ABRACL: variants seen among roughly 807,000 people sequenced by gnomAD.
ABRACL encodes the protein costars family protein ABRACL.
In ABRACL, 4 loss-of-function variants were observed where a neutral mutation model predicts 7.0. That is an observed-to-expected ratio of 0.57 (90% CI 0.28 to 1.30). The LOEUF is 1.30. Among genes scored for constraint, ABRACL ranks in the 50% most tolerant of loss-of-function variants. The pLI is 0.10. For synonymous variants in ABRACL, 30 were observed against 36.0 expected, an observed-to-expected ratio of 0.83 and a Z score of 0.60; for missense variants, 104 against 97.3, an observed-to-expected ratio of 1.07 and a Z score of -0.29.
rs1468656116 is a variant in ABRACL at position 139,042,632 on chromosome 6, AAATTTATTAAAGATTTTGT to A, written c.62-84_62-66del. 2.3e-6 allele frequency: 3 copies of A among 1,304,620 alleles called. No individual in the cohort carries two copies. In the African/African-American group the frequency reaches 4.4e-5, roughly 19 times the overall value. The allele number at this position is 1,304,620 out of a possible 1,614,324, so 80.8% of individuals were successfully genotyped here. On this transcript the variant is annotated intron_variant, in intron 2 of 2. Coordinates refer to ENST00000367660, the MANE Select transcript of ABRACL (RefSeq NM_021243.3). ...GCAACCTTGGATAGCCCATAGTTATAAATTTATTAAAGATTTTGTAAGTCTTCCATACTTGAGGGTATGA... is the reference window on the plus strand; with the variant it reads ...GCAACCTTGGATAGCCCATAGTTATAAAGTCTTCCATACTTGAGGGTATGA...
chr6:139,029,412 G>A (rs997288965), intron 1 of ABRACL, among the ~76,000 whole-genome samples: 1 of 152,042 alleles, frequency 6.6e-6, no homozygotes. Context: ...TCGTCGCCCG[G>A]GTTGGGTGCT....
chr6:139,037,201 G>C (rs765408045), intron 2 of ABRACL, among the ~76,000 whole-genome samples: 1 of 152,024 alleles, frequency 6.6e-6, no homozygotes, highest in Non-Finnish European at 1.5e-5. Flanking sequence ...GTTGGTTTTT[G>C]GAATGGGAAT....
chr6:139,029,977 G>A (rs1786056448), intron 1 of ABRACL, among the ~76,000 whole-genome samples: 1 of 151,972 alleles, frequency 6.6e-6, no homozygotes, highest in African/African-American at 2.4e-5. Context: ...CCAGTCCTCC[G>A]ACTTTCCGCT....
intron 1 of ABRACL, among the ~76,000 whole-genome samples, chr6:139,031,812 T>G (rs1296918268): frequency 6.6e-6 from 1 of 152,098 alleles, no homozygotes; most frequent in Non-Finnish European, 1.5e-5. Context: ...GGGCCCAGGG[T>G]AAGACTCTAC....
chr6:139,039,069 C>T (rs564194696), intron 2 of ABRACL, among the ~76,000 whole-genome samples: 3 of 152,160 alleles, frequency 2.0e-5, no homozygotes, highest in Middle Eastern at 3.4e-3. Context: ...ACTAAAAATA[C>T]AAAAATTAGC....
chr6:139,032,061 C>G (rs558607616), intron 1 of ABRACL, among the ~76,000 whole-genome samples: 92 of 151,908 alleles, frequency 6.1e-4, no homozygotes, highest in Non-Finnish European at 1.3e-3. Context: ...CCCGGGTTCA[C>G]GCCATACTCC....
chr6:139,041,451 C>CTCTCTCTCTATATATA lies in ABRACL; in HGVS notation c.62-1267_62-1266insCTCTCTCTATATATAT, dbSNP rs140091253. ...TCTCTCTCTCTCTCTCTCTCTCTCTCTATATATATATATATATATTTCTAT... is the reference window on the plus strand; with the variant it reads ...TCTCTCTCTCTCTCTCTCTCTCTCTCTCTCTCTCTATATATATATATATATATATATATATTTCTAT... On this transcript the variant is annotated intron_variant, in intron 2 of 2. Coordinates refer to ENST00000367660, the MANE Select transcript of ABRACL (RefSeq NM_021243.3). Among the ~76,000 whole-genome samples, 83 of 110,036 alleles carry CTCTCTCTCTATATATA rather than the reference C, an allele frequency of 7.5e-4. 1 individual carries two copies. The highest frequency in any genetic ancestry group is 8.0e-4 in the Non-Finnish European group (45 of 56,186). 72.2% of individuals were successfully genotyped at this position (110,036 alleles called of 152,430 possible).
intron 2 of ABRACL, among the ~76,000 whole-genome samples, chr6:139,035,395 C>T (rs531056103): frequency 6.6e-6 from 1 of 152,184 alleles, no homozygotes; most frequent in Non-Finnish European, 1.5e-5. Context: ...CTAGAAGTTG[C>T]CTTGGCTCAT....
intron 2 of ABRACL, among the ~76,000 whole-genome samples, chr6:139,035,298 TC>T (rs1786137201): frequency 6.6e-6 from 1 of 152,198 alleles, no homozygotes; most frequent in Non-Finnish European, 1.5e-5. Context: ...TTGACAACGG[TC>T]CTGCTGGAGT....
chr6:139,041,443 C>A (rs1786242652), intron 2 of ABRACL, among the ~76,000 whole-genome samples: 1 of 70,380 alleles, frequency 1.4e-5, no homozygotes, highest in South Asian at 7.9e-4. Context: ...CTCTCTCTCT[C>A]TCTCTCTCTA....
At position 139,034,175 on chromosome 6, in the gene ABRACL, C is replaced by A; in HGVS notation, c.15C>A (p.His5Gln). 2 of 1,614,210 alleles carry A rather than the reference C, an allele frequency of 1.2e-6. No individual in the cohort carries two copies. The change falls in exon 2 of 3, where the codon CAC becomes CAA. Residue 5 changes from histidine to glutamine, a missense_variant. Coordinates refer to ENST00000367660, the MANE Select transcript of ABRACL (RefSeq NM_021243.3). The part of the protein sequence containing the change: MNVD[H>Q]EVNLLVEEIH... ...CCCAGGCAGCAATGAATGTGGATCACGAGGTTAACCTCTTAGTGGAGGAAA... is the reference window on the plus strand; with the variant it reads ...CCCAGGCAGCAATGAATGTGGATCAAGAGGTTAACCTCTTAGTGGAGGAAA...
At chr6:139,035,734 C>T (rs570224302) in intron 2 of ABRACL, among the ~76,000 whole-genome samples, 38 of 150,912 alleles carry the variant, frequency 2.5e-4, no homozygotes, top group South Asian at 1.5e-3. Context: ...CCACCTGCCT[C>T]GGCCTCCCAA....
chr6:139,030,361 A>G (rs149473581), intron 1 of ABRACL, among the ~76,000 whole-genome samples: 65 of 152,180 alleles, frequency 4.3e-4, no homozygotes, highest in African/African-American at 1.5e-3. Flanking sequence ...CCACTGATCA[A>G]TGCAACACCA....
At chr6:139,036,811 C>A (rs577295949) in intron 2 of ABRACL, among the ~76,000 whole-genome samples, 23 of 152,014 alleles carry the variant, frequency 1.5e-4, no homozygotes, top group African/African-American at 5.5e-4. Context: ...AAGTGGGATC[C>A]CATCTCTACA....
chr6:139,033,696 A>G (rs1786113756), intron 1 of ABRACL, among the ~76,000 whole-genome samples: 1 of 152,000 alleles, frequency 6.6e-6, no homozygotes, highest in African/African-American at 2.4e-5. Context: ...GTGCTTCCAT[A>G]TGCCTTGGAC....
At chr6:139,035,701 T>A (rs1335700292) in intron 2 of ABRACL, among the ~76,000 whole-genome samples, 2 of 148,002 alleles carry the variant, frequency 1.4e-5, no homozygotes, top group African/African-American at 2.5e-5. Context: ...CAGGCTGGTC[T>A]TGAACTCCTG....
intron 2 of ABRACL, among the ~76,000 whole-genome samples, chr6:139,035,961 A>C (rs576225921): frequency 1.8e-4 from 27 of 150,960 alleles, no homozygotes; most frequent in South Asian, 4.2e-4. Context: ...AAAATTAGCC[A>C]GGCATGCTGG....
chr6:139,041,327 C>T lies in ABRACL; in HGVS notation c.62-1392C>T, dbSNP rs187987379. On this transcript the variant is annotated intron_variant, in intron 2 of 2. Coordinates refer to ENST00000367660, the MANE Select transcript of ABRACL (RefSeq NM_021243.3). Reference sequence around the variant, plus strand: ...CTGCCCAGGCTAGAGTGCACTAGCACGATCATGGCTCACTGCAGCCTCAAA... The same window carrying T: ...CTGCCCAGGCTAGAGTGCACTAGCATGATCATGGCTCACTGCAGCCTCAAA... 1.4e-3 allele frequency among the ~76,000 whole-genome samples: 211 copies of T among 150,752 alleles called. 1 individual carries two copies. Among genetic ancestry groups the T allele is most frequent in the African/African-American group, 4.8e-3 (197 of 41,176 alleles).
At chr6:139,031,915 G>A (rs1305516134) in intron 1 of ABRACL, among the ~76,000 whole-genome samples, 1 of 151,646 alleles carries the variant, frequency 6.6e-6, no homozygotes, top group Non-Finnish European at 1.5e-5. Context: ...GTGCTGGGCA[G>A]ACAAAACAAC....
Sources: gnomAD v4.1 joint callset for allele counts (sites outside exome capture counted in the v4.1 genomes callset) on GRCh38, gnomAD v4.1.1 for gene constraint, MANE v1.5 for transcripts, NCBI Gene and HGNC (gene_info 2026-07-23, HGNC 2026-07-21) for gene names.